The following TXNRD2 variants were observed in gnomAD, a reference collection of about 807,000 sequenced individuals.
TXNRD2 encodes the protein thioredoxin reductase 2, mitochondrial.
TXNRD2 carries 67 observed loss-of-function variants against 70.8 expected under a neutral mutation model. The ratio of observed to expected loss-of-function variants is 0.95; its 90% CI spans 0.78 to 1.16. The LOEUF is 1.16. TXNRD2 is among the 50% of genes most tolerant of loss of function. TXNRD2 has a pLI of 0.00. For synonymous variants in TXNRD2, 301 were observed against 295.8 expected, an observed-to-expected ratio of 1.02 and a Z score of -0.18; for missense variants, 644 against 719.9, an observed-to-expected ratio of 0.89 and a Z score of 1.21.
chr22:19,920,754 G>A lies in TXNRD2; in HGVS notation c.173-1155C>T, dbSNP rs368545842. 6.6e-5 allele frequency among the ~76,000 whole-genome samples: 10 copies of A among 152,316 alleles called. No individual in the cohort carries two copies. The South Asian group carries it at 1.0e-3, about 16-fold the overall frequency. Reference sequence around the variant, plus strand: ...AAATGCCAAGGAAAGTGTTTGATTCGTGGCTATTAGAAAGCAAGATTAGAA... The same window carrying A: ...AAATGCCAAGGAAAGTGTTTGATTCATGGCTATTAGAAAGCAAGATTAGAA... On this transcript the variant is annotated intron_variant, in intron 2 of 17. Transcript: ENST00000400521.
rs115268335 is a variant in TXNRD2 at position 19,916,135 on chromosome 22, G to A, written c.450-292C>T. ...AGGCCACGTACAGCCCTGGTGTGCA[G>A]CAAGAGGTGGCTGGACCTCTCTTGG... On this transcript the variant is annotated intron_variant, in intron 5 of 17. Coordinates refer to ENST00000400521, the MANE Select transcript of TXNRD2 (RefSeq NM_006440.5). The A allele has an allele frequency of 0.015, 5,979 of 401,220 alleles. 332 individuals carry two copies. The highest frequency in any genetic ancestry group is 0.11 in the African/African-American group (5,484 of 48,660). The allele number at this position is 401,220 out of a possible 1,614,324, so 24.9% of individuals were successfully genotyped here. A position where few individuals can be genotyped will look rare whatever the true frequency, so the allele number is the denominator to read the frequency against.
chr22:19,897,346 A>G (rs34433782), intron 10 of TXNRD2, among the ~76,000 whole-genome samples: 21,339 of 152,220 alleles, frequency 0.14, 1,640 homozygotes, highest in African/African-American at 0.17. Context: ...CTCACCCTGC[A>G]AGGGGCCTCC....
intron 14 of TXNRD2, among the ~76,000 whole-genome samples, chr22:19,878,661 G>T (rs1938618984): frequency 6.6e-6 from 1 of 152,238 alleles, no homozygotes. Context: ...TGCTCTGCAG[G>T]ACAGACCCTG....
rs905391308 is a variant in TXNRD2, at chr22:19,918,896, T to G, written c.338A>C (p.Tyr113Ser). Residue 113 changes from tyrosine to serine, a missense_variant, in exon 4 of 18, where the codon TAT becomes TCT. Physicochemically the swap from Tyr to Ser is moderately radical, Grantham distance 144. Transcript: ENST00000400521. ...LGGLIQDAPNYGWEVAQPVPH... is the reference protein window; with the variant it reads ...LGGLIQDAPNSGWEVAQPVPH... Reference sequence around the variant, plus strand: ...CACGGGCTGGGCCACCTCCCAGCCATAGTTGGGGGCATCTTGGATCAGGCC... The same window carrying G: ...CACGGGCTGGGCCACCTCCCAGCCAGAGTTGGGGGCATCTTGGATCAGGCC... 2 of 1,612,212 alleles carry G rather than the reference T, an allele frequency of 1.2e-6. No individual in the cohort carries two copies. Among genetic ancestry groups the G allele is most frequent in the Admixed American group, 1.7e-5 (1 of 59,986 alleles).
At chr22:19,922,953 CTGGGAT>C (rs1940973536) in intron 2 of TXNRD2, among the ~76,000 whole-genome samples, 4 of 152,166 alleles carry the variant, frequency 2.6e-5, no homozygotes, top group Non-Finnish European at 4.4e-5. Flanking sequence ...TCCCAAAGTG[CTGGGAT>C]TACAGGCGTG....
chr22:19,940,244 CAAAAAAAA>C (rs141013808), intron 1 of TXNRD2, among the ~76,000 whole-genome samples: 5 of 68,492 alleles, frequency 7.3e-5, no homozygotes, highest in Middle Eastern at 9.1e-3. Context: ...GACACTGTCT[CAAAAAAAA>C]AAAAAAAAAA....
intron 11 of TXNRD2, among the ~76,000 whole-genome samples, chr22:19,885,592 G>T (rs1425260926): frequency 1.3e-5 from 2 of 152,218 alleles, no homozygotes; most frequent in Non-Finnish European, 2.9e-5. Context: ...CCATGGGCAG[G>T]GCTGGGGCAC....
chr22:19,911,491 C>G, intron 7 of TXNRD2, 44 bp from the exon 8 acceptor site: 1 of 1,513,836 alleles, frequency 6.6e-7, no homozygotes, highest in Non-Finnish European at 9.2e-7. Context: ...CTCCATTTGG[C>G]CTGTCCTAGG....
chr22:19,898,509 GCTT>G (rs1939622761), intron 9 of TXNRD2, among the ~76,000 whole-genome samples: 1 of 121,584 alleles, frequency 8.2e-6, no homozygotes, highest in African/African-American at 3.2e-5. Context: ...GCGGCTTGGG[GCTT>G]TTTTTTTTTT....
Position 19,895,422 on chromosome 22 carries a change from C to T in TXNRD2, c.934G>A (p.Val312Ile), listed in dbSNP as rs577533142. 16 of 1,613,948 alleles carry T rather than the reference C, an allele frequency of 9.9e-6. No individual in the cohort carries two copies. The highest frequency in any genetic ancestry group is 8.3e-5 in the Admixed American group (5 of 60,018). Residue 312 changes from valine to isoleucine, a missense_variant, in exon 11 of 18, where the codon GTC becomes ATC. Coordinates refer to ENST00000400521, the MANE Select transcript of TXNRD2 (RefSeq NM_006440.5). ...GTGCCCTTACCTATGGCCCACAGGACGGTGTCAAAGGTGCCCGTGTCCTCC... is the reference window on the plus strand; with the variant it reads ...GTGCCCTTACCTATGGCCCACAGGATGGTGTCAAAGGTGCCCGTGTCCTCC... Reference protein sequence around the residue: ...GKEDTGTFDTVLWAIGRVPDT... With the variant: ...GKEDTGTFDTILWAIGRVPDT...
rs1209069617 is a variant in TXNRD2 at position 19,918,142 on chromosome 22, C to A, written c.449+1G>T. On this transcript the variant is annotated splice_donor_variant, in intron 5 of 17. Coordinates refer to ENST00000400521, the MANE Select transcript of TXNRD2 (RefSeq NM_006440.5). LOFTEE classifies it high-confidence loss of function. ...CCCATTCCCGGAGAGAGCTTCAGTACCTGTCCTGAAGCTGGACACGGTGGC... is the reference window on the plus strand; with the variant it reads ...CCCATTCCCGGAGAGAGCTTCAGTAACTGTCCTGAAGCTGGACACGGTGGC... The A allele has an allele frequency of 1.1e-5, 18 of 1,613,936 alleles. No homozygotes were observed. The highest frequency in any genetic ancestry group is 1.5e-5 in the Non-Finnish European group (18 of 1,179,984).
At position 19,880,157 on chromosome 22, in the gene TXNRD2, CTGTGCTG is replaced by C. The variant is rs1341584778; in HGVS notation, c.1275+15_1275+21del. On this transcript the variant is annotated intron_variant, in intron 14 of 17. Transcript: ENST00000400521. The stretch of plus-strand genomic sequence containing the variant: ...GTCGTGGAGTCGCCACTGTCCTCAG[CTGTGCTG>C]CTCCCAGGCCTCACCTCAACATGCT... 8 of 1,611,250 alleles carry C rather than the reference CTGTGCTG, an allele frequency of 5.0e-6. No individual in the cohort carries two copies. The highest frequency in any genetic ancestry group is 6.8e-6 in the Non-Finnish European group (8 of 1,179,226).
At chr22:19,925,165 T>G (rs1941086007) in intron 2 of TXNRD2, among the ~76,000 whole-genome samples, 1 of 151,682 alleles carries the variant, frequency 6.6e-6, no homozygotes, top group African/African-American at 2.4e-5. Flanking sequence ...GCGCCTGTAG[T>G]CCCAGCTACT....
intron 12 of TXNRD2, chr22:19,881,217 G>A (rs969427326): frequency 1.7e-5 from 7 of 401,992 alleles, no homozygotes; most frequent in African/African-American, 1.2e-4. Flanking sequence ...AGATCCCTCC[G>A]TCCCAGGGTG....
chr22:19,899,103 C>G (rs1939654950), intron 8 of TXNRD2, 35 bp from the exon 9 acceptor site: 1 of 1,606,650 alleles, frequency 6.2e-7, no homozygotes, highest in Non-Finnish European at 8.5e-7. Flanking sequence ...ACATGTAAAG[C>G]TGAGGCCCTT....
At chr22:19,933,748 T>C (rs1601486076) in intron 1 of TXNRD2, among the ~76,000 whole-genome samples, 3 of 152,320 alleles carry the variant, frequency 2.0e-5, no homozygotes, top group Middle Eastern at 6.8e-3. Flanking sequence ...GGGCAGATGC[T>C]GTTCTGTGGG....
chr22:19,930,974 T>A, intron 2 of TXNRD2, 56 bp downstream of exon 2: 2 of 1,539,652 alleles, frequency 1.3e-6, no homozygotes, highest in Non-Finnish European at 1.8e-6. Flanking sequence ...AGCACCACCC[T>A]CTCTAGGGGC....
chr22:19,917,004 G>A (rs1444073342), intron 5 of TXNRD2, among the ~76,000 whole-genome samples: 1 of 152,240 alleles, frequency 6.6e-6, no homozygotes, highest in East Asian at 1.9e-4. Context: ...TGGCAAGCCT[G>A]TGCCTCTATG....
At chr22:19,918,771 A>G (rs1014654194) in intron 4 of TXNRD2, 89 bp downstream of exon 4, 5 of 1,538,390 alleles carry the variant, frequency 3.3e-6, no homozygotes, top group Non-Finnish European at 4.4e-6. Flanking sequence ...CCCACTCCCC[A>G]TGAGGGCTCA....
Sources: gnomAD v4.1 joint callset for allele counts (sites outside exome capture counted in the v4.1 genomes callset) on GRCh38, gnomAD v4.1.1 for gene constraint, MANE v1.5 for transcripts, NCBI Gene and HGNC (gene_info 2026-07-23, HGNC 2026-07-21) for gene names.